The following TSNAXIP1 variants were observed in gnomAD, a reference collection of about 807,000 sequenced individuals.
TSNAXIP1 encodes the protein translin associated factor X interacting protein 1.
TSNAXIP1 carries 89 observed loss-of-function variants against 84.8 expected under a neutral mutation model. The ratio of observed to expected loss-of-function variants is 1.05; its 90% confidence interval spans 0.88 to 1.25. The LOEUF is 1.25. TSNAXIP1 is among the 50% of genes most tolerant of loss of function. The pLI is 0.00. For synonymous variants in TSNAXIP1, 347 were observed against 335.2 expected (o/e 1.04, Z -0.39); for missense variants, 874 against 887.6 (o/e 0.98, Z 0.20).
intron 2 of TSNAXIP1, among the ~76,000 whole-genome samples, chr16:67,816,111 G>A (rs760523811): frequency 6.6e-6 from 1 of 151,506 alleles, no homozygotes; most frequent in South Asian, 2.1e-4. Context: ...TGGGACAGAC[G>A]CCCGCCAACA....
At chr16:67,808,125 T>C (rs2055646483) in intron 1 of TSNAXIP1, among the ~76,000 whole-genome samples, 1 of 152,140 alleles carries the variant, frequency 6.6e-6, no homozygotes, top group Non-Finnish European at 1.5e-5. Flanking sequence ...TGTGAAGCTC[T>C]TGACACAGCT....
chr16:67,826,635 AG>A, intron 11 of TSNAXIP1, 56 bp from the exon 12 acceptor site: 8 of 1,611,362 alleles, frequency 5.0e-6, no homozygotes, highest in Non-Finnish European at 6.8e-6. Context: ...CAGAGGTGAC[AG>A]GGATGAGGGC....
In TSNAXIP1 at chr16:67,825,303, CTT is replaced by C. The variant is rs371190159; in HGVS notation, c.814+32_814+33del. Reference sequence around the variant, plus strand: ...CCTGAATTGGGAATCGGGTTTCTCTCTTCTCTGAGACGCTGGAAGACTCTGGT... The same window carrying C: ...CCTGAATTGGGAATCGGGTTTCTCTCCTCTGAGACGCTGGAAGACTCTGGT... On this transcript the variant is annotated intron_variant, in intron 7 of 15. Transcript: ENST00000561639. The C allele has an allele frequency of 1.6e-4, 264 of 1,612,414 alleles. 3 individuals carry two copies. In the African/African-American group the frequency reaches 2.9e-3, roughly 17 times the overall value.
chr16:67,827,040 G>C lies in TSNAXIP1; in HGVS notation c.1632G>C (p.Gln544His), dbSNP rs1000375837. ...AGGAGATGACAAATGCTGACAGTCA[G>C]AACGAGGGGCTACTAACCATGGAGC... Reference protein sequence around the residue: ...LLKEMTNADSQNEGLLTMEQF... With the variant: ...LLKEMTNADSHNEGLLTMEQF... Residue 544 changes from glutamine (Q) to histidine (H), a missense_variant, in exon 13 of 16, where the codon CAG becomes CAC. Coordinates refer to ENST00000561639, the MANE Select transcript of TSNAXIP1 (RefSeq NM_001288990.3). The C allele has an allele frequency of 1.2e-6, 2 of 1,614,176 alleles. No individual in the cohort carries two copies. The highest frequency in any genetic ancestry group is 1.7e-5 in the Admixed American group (1 of 60,030).
chr16:67,824,377 A>AT (rs1265719912), intron 5 of TSNAXIP1, among the ~76,000 whole-genome samples: 2 of 152,200 alleles, frequency 1.3e-5, no homozygotes, highest in Non-Finnish European at 2.9e-5. Context: ...AGGACATAGG[A>AT]GAGACCCCGG....
chr16:67,817,671 C>T (rs1286198370), intron 2 of TSNAXIP1, among the ~76,000 whole-genome samples: 6 of 150,486 alleles, frequency 4.0e-5, no homozygotes, highest in South Asian at 4.2e-4. Flanking sequence ...GTGGGTGGAT[C>T]ACCTGAGGTC....
intron 1 of TSNAXIP1, among the ~76,000 whole-genome samples, chr16:67,810,835 G>GT (rs1597983382): frequency 6.6e-6 from 1 of 151,234 alleles, no homozygotes; most frequent in East Asian, 2.0e-4. Context: ...TGCCTCCCGG[G>GT]TTCAAGCGAT....
In TSNAXIP1 at chr16:67,825,681, G is replaced by C; in HGVS notation, c.829G>C (p.Asp277His). 1.2e-6 allele frequency: 2 copies of C among 1,612,504 alleles called. No homozygotes were observed. Among genetic ancestry groups the C allele is most frequent in the Non-Finnish European group, 1.7e-6 (2 of 1,178,750 alleles). The change falls in exon 8 of 16, where the codon GAC (aspartate) becomes CAC (histidine). Residue 277 changes from aspartate to histidine, a missense_variant. Physicochemically the swap from Asp to His is moderately conservative, Grantham distance 81. Coordinates refer to ENST00000561639, the MANE Select transcript of TSNAXIP1 (RefSeq NM_001288990.3). ...TCCCCTGGCAGGCATCTGGGGGGAG[G>C]ACCCTGTGAAGTTAACCCTGGCTCT... Reference protein sequence around the residue: ...LAQSPGIWGEDPVKLTLALKM... With the variant: ...LAQSPGIWGEHPVKLTLALKM...
At chr16:67,823,280 C>G (rs2057199630) in intron 4 of TSNAXIP1, among the ~76,000 whole-genome samples, 1 of 152,242 alleles carries the variant, frequency 6.6e-6, no homozygotes. Context: ...CACAGTGGCT[C>G]ACACCTGTAA....
rs1459184988 is a variant in TSNAXIP1 at position 67,825,200 on chromosome 16, T to C, written c.742T>C (p.Cys248Arg). The C allele has an allele frequency of 6.2e-7, 1 of 1,614,172 alleles. No individual in the cohort carries two copies. The highest frequency in any genetic ancestry group is 2.2e-5 in the East Asian group (1 of 44,876). Residue 248 changes from cysteine (C) to arginine (R), a missense_variant, in exon 7 of 16, where the codon TGT becomes CGT. Cys to Arg is a radical substitution (Grantham distance 180). Transcript: ENST00000561639. The part of the protein sequence containing the change: ...YLHYLSERDA[C>R]KILIADLNEL... ...GCACTACCTCAGTGAGCGAGATGCC[T>C]GTAAGATCCTCATCGCAGACCTGAA...
chr16:67,808,708 GC>G (rs773497916), intron 1 of TSNAXIP1, among the ~76,000 whole-genome samples: 12 of 151,956 alleles, frequency 7.9e-5, no homozygotes, highest in Non-Finnish European at 2.9e-5. Context: ...TCACGCCACT[GC>G]ACTCTAGCCT....
Position 67,817,558 on chromosome 16 carries a change from G to A in TSNAXIP1, c.147+3157G>A, listed in dbSNP as rs2056678791. 6.1e-5 allele frequency among the ~76,000 whole-genome samples: 9 copies of A among 148,092 alleles called. No individual in the cohort carries two copies. In the South Asian group the frequency reaches 2.0e-3, roughly 32 times the overall value. On this transcript the variant is annotated intron_variant, in intron 2 of 15. Transcript: ENST00000561639. Reference sequence around the variant, plus strand: ...GCCTCCCAAAGTGCTGGGATTACAAGCGTAAGCCACCGCGCCCGGCCAAGG... The same window carrying A: ...GCCTCCCAAAGTGCTGGGATTACAAACGTAAGCCACCGCGCCCGGCCAAGG...
intron 1 of TSNAXIP1, among the ~76,000 whole-genome samples, chr16:67,810,583 C>T (rs1437770067): frequency 6.6e-6 from 1 of 151,896 alleles, no homozygotes; most frequent in Non-Finnish European, 1.5e-5. Context: ...CATGCTACTA[C>T]ACTCCTGCCT....
Position 67,824,787 on chromosome 16 carries a change from G to A in TSNAXIP1, c.678+8G>A, listed in dbSNP as rs943332590. On this transcript the variant is annotated splice_region_variant and intron_variant, in intron 6 of 15. Coordinates refer to ENST00000561639, the MANE Select transcript of TSNAXIP1 (RefSeq NM_001288990.3). ...ATTTCATTGCAGAGCGAGGTGAATGGAAGTGGTGTGATGATGACCAAGTCC... is the reference window on the plus strand; with the variant it reads ...ATTTCATTGCAGAGCGAGGTGAATGAAAGTGGTGTGATGATGACCAAGTCC... 5.0e-6 allele frequency: 8 copies of A among 1,612,050 alleles called. No individual in the cohort carries two copies. In the African/African-American group the frequency reaches 8.0e-5, roughly 16 times the overall value.
intron 1 of TSNAXIP1, among the ~76,000 whole-genome samples, chr16:67,813,495 G>A (rs1397000168): frequency 1.3e-5 from 2 of 151,842 alleles, no homozygotes; most frequent in African/African-American, 4.8e-5. Context: ...AGCATTTTGG[G>A]AGGCCAAGGC....
Position 67,807,194 on chromosome 16 carries a change from G to T in TSNAXIP1, c.45G>T (p.Ser15=). The part of the protein sequence containing the change: ...QSRYHSFSSA[S]RLQPRPSGVT... ...GGTACCACAGCTTCTCGTCCGCGTCGAGGTAGGCGCTGGCAGGGATGAGGG... is the reference window on the plus strand; with the variant it reads ...GGTACCACAGCTTCTCGTCCGCGTCTAGGTAGGCGCTGGCAGGGATGAGGG... The change falls in exon 1 of 16, where the codon TCG becomes TCT. Residue 15 remains serine, a splice_region_variant and synonymous_variant. Coordinates refer to ENST00000561639, the MANE Select transcript of TSNAXIP1 (RefSeq NM_001288990.3). 6.5e-7 allele frequency: 1 copy of T among 1,536,020 alleles called. No individual in the cohort carries two copies. The highest frequency in any genetic ancestry group is 1.4e-5 in the African/African-American group (1 of 73,122).
intron 7 of TSNAXIP1, 27 bp from the exon 8 acceptor site, chr16:67,825,640 G>A (rs753610978): frequency 5.7e-6 from 9 of 1,592,282 alleles, no homozygotes; most frequent in South Asian, 4.5e-5. Context: ...ACGGTGACAC[G>A]GGCTGGTGGG....
rs2057505274 is a variant in TSNAXIP1 at position 67,827,007 on chromosome 16, G to A, written c.1599G>A (p.Gln533=). 9 of 1,614,194 alleles carry A rather than the reference G, an allele frequency of 5.6e-6. No homozygotes were observed. Among genetic ancestry groups the A allele is most frequent in the Admixed American group, 1.7e-5 (1 of 60,020 alleles). ...TCACCCAGAAGGAGACAGTAGCCCA[G>A]CTGCTGAAGGAGATGACAAATGCTG... ...VYVTQKETVA[Q]LLKEMTNADS... Residue 533 remains glutamine (Q), a synonymous_variant, in exon 13 of 16, where the codon CAG becomes CAA. Coordinates refer to ENST00000561639, the MANE Select transcript of TSNAXIP1 (RefSeq NM_001288990.3).
intron 15 of TSNAXIP1, 49 bp from the exon 16 acceptor site, chr16:67,827,704 G>A (rs749402137): frequency 1.9e-6 from 3 of 1,611,796 alleles, no homozygotes; most frequent in Non-Finnish European, 2.5e-6. Context: ...GGAGTCTGGG[G>A]CACGGAGAGG....
Sources: allele counts gnomAD v4.1 joint callset (sites outside exome capture counted in the v4.1 genomes callset), GRCh38; gene constraint gnomAD v4.1.1; transcripts MANE v1.5; gene names NCBI Gene and HGNC (gene_info 2026-07-23, HGNC 2026-07-21).